The following EMILIN2 variants were observed in gnomAD, a reference collection of about 807,000 sequenced individuals.
EMILIN2 encodes the protein EMILIN-2.
EMILIN2 carries 71 observed loss-of-function variants against 87.1 expected under a neutral mutation model. The ratio of observed to expected loss-of-function variants is 0.82; its 90% CI spans 0.67 to 0.99. The LOEUF is 0.99. EMILIN2 is among the 50% of genes least tolerant of loss of function. The probability of loss-of-function intolerance (pLI) is 0.00; values close to 1 mark genes in which losing one functional copy is unlikely to be tolerated. For missense variants in EMILIN2, 1,407 were observed against 1,371.8 expected (o/e 1.03, Z -0.40); for synonymous variants, 581 against 563.4 (o/e 1.03, Z -0.44).
intron 2 of EMILIN2, among the ~76,000 whole-genome samples, chr18:2,876,720 A>C (rs1206641667): frequency 5.9e-5 from 9 of 151,890 alleles, no homozygotes; most frequent in African/African-American, 9.7e-5. Context: ...GAGCCAAGAT[A>C]GTGCCACTGC....
chr18:2,892,915 G>A (rs1183411461), intron 4 of EMILIN2, among the ~76,000 whole-genome samples: 1 of 150,766 alleles, frequency 6.6e-6, no homozygotes, highest in South Asian at 2.1e-4. Context: ...AGCTGGGTGT[G>A]GTGGCACGCG....
chr18:2,889,749 C>T (rs1197183035), intron 3 of EMILIN2, among the ~76,000 whole-genome samples: 1 of 139,290 alleles, frequency 7.2e-6, no homozygotes, highest in African/African-American at 2.7e-5. Context: ...GCCAAGGATG[C>T]CCTTGAACTC....
At position 2,847,473 on chromosome 18, in the gene EMILIN2, C is replaced by A; in HGVS notation, c.134+151C>A. On this transcript the variant is annotated intron_variant, in intron 1 of 7. Coordinates refer to ENST00000254528, the MANE Select transcript of EMILIN2 (RefSeq NM_032048.3). The surrounding 1 kb of genome is among the most constrained non-coding windows in gnomAD (Gnocchi z 4.5). ...GGCTCCCTCTGCGGGGGACCGCGCGCTCCGCAGCCGGCGCCTCAGGCAGAG... is the reference window on the plus strand; with the variant it reads ...GGCTCCCTCTGCGGGGGACCGCGCGATCCGCAGCCGGCGCCTCAGGCAGAG... 1 of 987,774 alleles carries A rather than the reference C, an allele frequency of 1.0e-6. No individual in the cohort carries two copies. The highest frequency in any genetic ancestry group is 1.3e-6 in the Non-Finnish European group (1 of 753,998). 61.2% of individuals were successfully genotyped at this position (987,774 alleles called of 1,614,324 possible).
chr18:2,889,618 T>C (rs2076823132), intron 3 of EMILIN2, among the ~76,000 whole-genome samples: 1 of 147,378 alleles, frequency 6.8e-6, no homozygotes, highest in African/African-American at 2.7e-5. Flanking sequence ...TTCTTTTGGA[T>C]TTTTTCCTTG....
chr18:2,903,612 C>G (rs962668870), intron 4 of EMILIN2, among the ~76,000 whole-genome samples: 1 of 152,172 alleles, frequency 6.6e-6, no homozygotes, highest in Non-Finnish European at 1.5e-5. Flanking sequence ...ATGCTGAGCT[C>G]AATAGCTCTC....
intron 7 of EMILIN2, among the ~76,000 whole-genome samples, chr18:2,912,149 G>A (rs1001166409): frequency 2.6e-4 from 38 of 148,196 alleles, no homozygotes; most frequent in African/African-American, 8.7e-4. Context: ...AGGGATTCTC[G>A]TGCCTCAGCC....
chr18:2,897,480 G>A (rs1012642211), intron 4 of EMILIN2, among the ~76,000 whole-genome samples: 6 of 152,196 alleles, frequency 3.9e-5, no homozygotes, highest in Admixed American at 1.3e-4. Context: ...TGGTGGCTCC[G>A]GTGATGCTGT....
At chr18:2,904,619 G>A (rs2076901535) in intron 4 of EMILIN2, among the ~76,000 whole-genome samples, 1 of 152,150 alleles carries the variant, frequency 6.6e-6, no homozygotes, top group Admixed American at 6.6e-5. Flanking sequence ...CTTTTGTATA[G>A]CAATCAATTC....
At chr18:2,887,651 C>T (rs950407320) in intron 3 of EMILIN2, among the ~76,000 whole-genome samples, 6 of 152,152 alleles carry the variant, frequency 3.9e-5, no homozygotes, top group African/African-American at 1.4e-4. Flanking sequence ...GAAGCAGTTG[C>T]TGACACCATG....
chr18:2,887,961 C>T (rs191991655), intron 3 of EMILIN2, among the ~76,000 whole-genome samples: 116 of 152,266 alleles, frequency 7.6e-4, no homozygotes, highest in African/African-American at 2.6e-3. Context: ...CCACTGCACT[C>T]GACCTGGAAC....
intron 2 of EMILIN2, among the ~76,000 whole-genome samples, chr18:2,876,138 C>T (rs2076746574): frequency 6.6e-6 from 1 of 151,890 alleles, no homozygotes; most frequent in Admixed American, 6.6e-5. Context: ...CGTGCCACCA[C>T]ACCCAGCTAA....
intron 2 of EMILIN2, among the ~76,000 whole-genome samples, chr18:2,852,080 C>A (rs2076604454): frequency 6.6e-6 from 1 of 152,204 alleles, no homozygotes; most frequent in Non-Finnish European, 1.5e-5. Flanking sequence ...CAGTACTCAA[C>A]TACTAAGAGC....
At chr18:2,854,677 C>T (rs1040105190) in intron 2 of EMILIN2, among the ~76,000 whole-genome samples, 2 of 152,126 alleles carry the variant, frequency 1.3e-5, no homozygotes, top group South Asian at 4.1e-4. Context: ...GCCTGTAGTC[C>T]CAGCTACTGG....
intron 5 of EMILIN2, among the ~76,000 whole-genome samples, chr18:2,908,691 C>T (rs1393227245): frequency 6.6e-6 from 1 of 152,226 alleles, no homozygotes; most frequent in Non-Finnish European, 1.5e-5. Flanking sequence ...TTCTTTCCTG[C>T]AGCCAGCTTG....
chr18:2,863,411 T>A (rs1450000554), intron 2 of EMILIN2, among the ~76,000 whole-genome samples: 1 of 152,250 alleles, frequency 6.6e-6, no homozygotes, highest in African/African-American at 2.4e-5. Flanking sequence ...GAGATTGTGG[T>A]ACGTTGTGTC....
rs370975686 is a variant in EMILIN2 at position 2,890,620 on chromosome 18, C to A, written c.493C>A (p.Gln165Lys). The change falls in exon 4 of 8, where the codon CAA becomes AAA. Residue 165 changes from glutamine (Q) to lysine (K), a missense_variant. Physicochemically the swap from Gln to Lys is moderately conservative, Grantham distance 53. Coordinates refer to ENST00000254528, the MANE Select transcript of EMILIN2 (RefSeq NM_032048.3). This position sits in a 1 kb window ranked among gnomAD's most constrained non-coding sequence, Gnocchi z 4.7. ...RKTLSPTGTA[Q>K]PSWGVDPKEG... is the part of the protein sequence containing the mutation. Reference sequence around the variant, plus strand: ...GACTTTGTCCCCAACTGGTACAGCACAACCAAGCTGGGGGGTAGATCCAAA... The same window carrying A: ...GACTTTGTCCCCAACTGGTACAGCAAAACCAAGCTGGGGGGTAGATCCAAA... The A allele has an allele frequency of 1.2e-5, 19 of 1,612,766 alleles. No homozygotes were observed. The highest frequency in any genetic ancestry group is 1.6e-5 in the Non-Finnish European group (19 of 1,179,022).
At position 2,909,744 on chromosome 18, in the gene EMILIN2, T is replaced by C; in HGVS notation, c.2749T>C (p.Phe917Leu). ...TTCTGCGGGGCTCACCCAGAAGCCTTTCCCCAGTGATGGGGGCGTTGTCCT... is the reference window on the plus strand; with the variant it reads ...TTCTGCGGGGCTCACCCAGAAGCCTCTCCCCAGTGATGGGGGCGTTGTCCT... ...SFSAGLTQKPFPSDGGVVLFN... is the reference protein window; with the variant it reads ...SFSAGLTQKPLPSDGGVVLFN... The change falls in exon 7 of 8, where the codon TTC becomes CTC. Residue 917 changes from phenylalanine to leucine, a missense_variant. Transcript: ENST00000254528. The C allele has an allele frequency of 6.2e-7, 1 of 1,613,710 alleles. No individual in the cohort carries two copies. Among genetic ancestry groups the C allele is most frequent in the East Asian group, 2.2e-5 (1 of 44,860 alleles).
Position 2,908,930 on chromosome 18 carries a change from T to G in EMILIN2, c.2663-13T>G. ...GGTCTTGTTTGACATGCCATTTCCT[T>G]TCTGTTTTTCAGGATACCCGAAGTC... is the stretch of plus-strand genomic sequence containing the variant. On this transcript the variant is annotated splice_polypyrimidine_tract_variant and intron_variant, in intron 5 of 7. Transcript: ENST00000254528. 1.9e-6 allele frequency: 3 copies of G among 1,612,220 alleles called. No homozygotes were observed. The highest frequency in any genetic ancestry group is 2.5e-6 in the Non-Finnish European group (3 of 1,178,614).
chr18:2,906,485 A>C, intron 4 of EMILIN2: 3 of 128,856 alleles, frequency 2.3e-5, no homozygotes, highest in Non-Finnish European at 1.2e-5. Flanking sequence ...TGAAATCGGG[A>C]ATTGTTGATG....
Sources: gnomAD v4.1 joint callset for allele counts (sites outside exome capture counted in the v4.1 genomes callset) on GRCh38, gnomAD v4.1.1 for gene constraint, Gnocchi (gnomAD v3.1) non-coding constraint, MANE v1.5 for transcripts, NCBI Gene and HGNC (gene_info 2026-07-23, HGNC 2026-07-21) for gene names.